Variants in POLR3B observed in about 807,000 individuals in gnomAD.
POLR3B encodes the protein DNA-directed RNA polymerase III subunit RPC2.
In POLR3B, 96 loss-of-function variants were observed where a neutral mutation model predicts 147.4. The ratio of observed to expected loss-of-function variants is 0.65; its 90% CI spans 0.55 to 0.77. The LOEUF is 0.77. Ranked by LOEUF, POLR3B falls within the 30% of genes least tolerant of loss-of-function variation. POLR3B has a pLI of 0.00. For missense variants in POLR3B, 1,036 were observed against 1,413.5 expected, an observed-to-expected ratio of 0.73 and a Z score of 4.28; for synonymous variants, 461 against 485.9, an observed-to-expected ratio of 0.95 and a Z score of 0.67.
chr12:106,486,497 C>T (rs1289709926), intron 23 of POLR3B, among the ~76,000 whole-genome samples: 1 of 151,914 alleles, frequency 6.6e-6, no homozygotes, highest in African/African-American at 2.4e-5. Context: ...TGCCATATTC[C>T]CAGAGATTTC....
At chr12:106,371,960 T>TAAAA (rs1274274608) in intron 6 of POLR3B, among the ~76,000 whole-genome samples, 1 of 151,834 alleles carries the variant, frequency 6.6e-6, no homozygotes, top group African/African-American at 2.4e-5. Flanking sequence ...TAAAATAAAA[T>TAAAA]AAAAAGAGGG....
In POLR3B at chr12:106,454,727, A is replaced by G. The variant is rs1399266700; in HGVS notation, c.2293+16A>G. ...TTAGACAGAGGTAAGTGAATTTTCA[A>G]AACTAACACCAAAGTTGCTTTTTGC... is the stretch of plus-strand genomic sequence containing the variant. On this transcript the variant is annotated intron_variant, in intron 20 of 27. Coordinates refer to ENST00000228347, the MANE Select transcript of POLR3B (RefSeq NM_018082.6). 1.4e-6 allele frequency: 2 copies of G among 1,444,868 alleles called. No individual in the cohort carries two copies. The highest frequency in any genetic ancestry group is 9.7e-7 in the Non-Finnish European group (1 of 1,025,926). 89.5% of individuals were successfully genotyped at this position (1,444,868 alleles called of 1,614,324 possible). A position where few individuals can be genotyped will look rare whatever the true frequency, so the allele number is the denominator to read the frequency against.
In POLR3B at chr12:106,477,908, T is replaced by C. The variant is rs1459231799; in HGVS notation, c.2713+14288T>C. 4.0e-5 allele frequency among the ~76,000 whole-genome samples: 5 copies of C among 126,050 alleles called. No homozygotes were observed. The East Asian group carries it at 1.2e-3, about 31-fold the overall frequency. The allele number at this position is 126,050 out of a possible 152,430, so 82.7% of individuals were successfully genotyped here. ...CTCCTCCCCTTTTTTTTTTTTTTTT[T>C]TTTTTTTTTTTTTGGAGACAGAGCC... On this transcript the variant is annotated intron_variant, in intron 23 of 27. Coordinates refer to ENST00000228347, the MANE Select transcript of POLR3B (RefSeq NM_018082.6).
intron 10 of POLR3B, among the ~76,000 whole-genome samples, chr12:106,402,672 G>C (rs1027436146): frequency 3.9e-5 from 6 of 152,130 alleles, no homozygotes; most frequent in Non-Finnish European, 7.3e-5. Flanking sequence ...ACAACTATCT[G>C]ATCTTTGACA....
intron 23 of POLR3B, among the ~76,000 whole-genome samples, chr12:106,477,023 T>C (rs1227260112): frequency 6.7e-6 from 1 of 148,842 alleles, no homozygotes; most frequent in Non-Finnish European, 1.5e-5. Context: ...TCTTTGATGA[T>C]GGTGATGTAC....
At chr12:106,438,805 G>T (rs899054078) in intron 18 of POLR3B, among the ~76,000 whole-genome samples, 1 of 151,926 alleles carries the variant, frequency 6.6e-6, no homozygotes, top group African/African-American at 2.4e-5. Flanking sequence ...ATTCTTGTCA[G>T]TGCAGGAATT....
intron 23 of POLR3B, among the ~76,000 whole-genome samples, chr12:106,474,867 C>T (rs1411818712): frequency 6.6e-6 from 1 of 151,842 alleles, no homozygotes; most frequent in Non-Finnish European, 1.5e-5. Context: ...CTATTTCTTT[C>T]AGTTCTGCTC....
intron 23 of POLR3B, among the ~76,000 whole-genome samples, chr12:106,467,741 G>A (rs1263991596): frequency 6.6e-6 from 1 of 152,128 alleles, no homozygotes; most frequent in Non-Finnish European, 1.5e-5. Flanking sequence ...ATCTGTTTAT[G>A]TGATGGGTTA....
intron 23 of POLR3B, among the ~76,000 whole-genome samples, chr12:106,482,889 T>C (rs1284574356): frequency 6.6e-6 from 1 of 152,192 alleles, no homozygotes; most frequent in East Asian, 1.9e-4. Flanking sequence ...CCAAACTCAC[T>C]ACTCCCAGAA....
At chr12:106,500,655 C>T (rs1005817743) in intron 25 of POLR3B, among the ~76,000 whole-genome samples, 1 of 152,114 alleles carries the variant, frequency 6.6e-6, no homozygotes, top group African/African-American at 2.4e-5. Flanking sequence ...ATATGAATAC[C>T]TGGCGGGAGA....
At chr12:106,465,682 A>C (rs1453862419) in intron 23 of POLR3B, among the ~76,000 whole-genome samples, 1 of 152,132 alleles carries the variant, frequency 6.6e-6, no homozygotes, top group Non-Finnish European at 1.5e-5. Flanking sequence ...CTCATTGTTC[A>C]ACTCCGACTT....
intron 12 of POLR3B, 44 bp downstream of exon 12, chr12:106,411,004 A>G: frequency 6.3e-7 from 1 of 1,583,822 alleles, no homozygotes; most frequent in Non-Finnish European, 8.7e-7. Flanking sequence ...TCCTTAATGA[A>G]AATTAATTTG....
rs141219725 is a variant in POLR3B at position 106,358,187 on chromosome 12, G to A, written c.72+236G>A. 1.0e-3 allele frequency: 1,462 copies of A among 1,429,972 alleles called. 11 individuals carry two copies. In the African/African-American group the frequency reaches 0.019, roughly 19 times the overall value. The allele number at this position is 1,429,972 out of a possible 1,614,324, so 88.6% of individuals were successfully genotyped here. A position where few individuals can be genotyped will look rare whatever the true frequency, so the allele number is the denominator to read the frequency against. On this transcript the variant is annotated intron_variant, in intron 1 of 27. Transcript: ENST00000228347. ...GCCGCTGCGGGGGCCGAGAAGCCCC[G>A]CTGCTGGCTCTAGGGTTGGAGCTCT...
chr12:106,499,861 C>T (rs947087288), intron 25 of POLR3B, among the ~76,000 whole-genome samples: 11 of 152,198 alleles, frequency 7.2e-5, no homozygotes, highest in African/African-American at 2.7e-4. Flanking sequence ...CCACAAAAGC[C>T]TTGGCTCAGG....
chr12:106,488,948 C>T (rs907670933), intron 23 of POLR3B, among the ~76,000 whole-genome samples: 1 of 152,160 alleles, frequency 6.6e-6, no homozygotes, highest in Non-Finnish European at 1.5e-5. Flanking sequence ...TTCCAGATTT[C>T]CTCTTCTTTT....
In POLR3B at chr12:106,432,405, T is replaced by G. The variant is rs750584323; in HGVS notation, c.1552T>G (p.Leu518Val). The G allele has an allele frequency of 1.9e-6, 3 of 1,613,336 alleles. No homozygotes were observed. Among genetic ancestry groups the G allele is most frequent in the Non-Finnish European group, 2.5e-6 (3 of 1,179,418 alleles). The change falls in exon 15 of 28, where the codon TTG becomes GTG. Residue 518 changes from leucine to valine, a missense_variant. Around this residue, in one of 12 missense-constraint regions of POLR3B, gnomAD observed 177 missense variants for 232.7 expected, o/e 0.76. Transcript: ENST00000228347. Reference sequence around the variant, plus strand: ...ACCCATTGTTAAATTAGCCAGTAACTTGGGAGTAGAAGATGTGAATTTATT... The same window carrying G: ...ACCCATTGTTAAATTAGCCAGTAACGTGGGAGTAGAAGATGTGAATTTATT... The part of the protein sequence containing the change: ...DGPIVKLASN[L>V]GVEDVNLLCG...
chr12:106,454,090 T>C (rs988000744), intron 19 of POLR3B, among the ~76,000 whole-genome samples: 2 of 152,202 alleles, frequency 1.3e-5, no homozygotes, highest in Non-Finnish European at 2.9e-5. Context: ...GGAATATACC[T>C]GTTTATCCAT....
chr12:106,496,384 C>G, intron 24 of POLR3B: 1 of 633,596 alleles, frequency 1.6e-6, no homozygotes, highest in Non-Finnish European at 2.8e-6. Context: ...AGAGTGGAGT[C>G]TTCTGAGTGA....
chr12:106,372,610 A>C (rs539278970), intron 6 of POLR3B, among the ~76,000 whole-genome samples: 2 of 152,106 alleles, frequency 1.3e-5, no homozygotes, highest in South Asian at 4.1e-4. Flanking sequence ...CAAAGTGCAG[A>C]GATTACAAGC....
Sources: allele counts gnomAD v4.1 joint callset (sites outside exome capture counted in the v4.1 genomes callset), GRCh38; gene constraint gnomAD v4.1.1; regional missense constraint gnomAD v4.1.1; transcripts MANE v1.5; gene names NCBI Gene and HGNC (gene_info 2026-07-23, HGNC 2026-07-21).